The following SIRPG variants were observed in gnomAD, a reference collection of about 807,000 sequenced individuals.
SIRPG encodes the protein signal regulatory protein gamma.
SIRPG carries 38 observed loss-of-function variants against 35.7 expected under a neutral mutation model. The ratio of observed to expected loss-of-function variants is 1.06; its 90% CI spans 0.82 to 1.40. The LOEUF is 1.40. SIRPG is among the 40% of genes most tolerant of loss of function. SIRPG has a pLI of 0.00. For synonymous variants in SIRPG, 215 were observed against 190.4 expected, an observed-to-expected ratio of 1.13 and a Z score of -1.06; for missense variants, 519 against 483.0, an observed-to-expected ratio of 1.07 and a Z score of -0.70.
intron 1 of SIRPG, among the ~76,000 whole-genome samples, chr20:1,654,868 A>G (rs952092077): frequency 4.6e-5 from 7 of 152,224 alleles, no homozygotes; most frequent in African/African-American, 1.7e-4. Flanking sequence ...AATATGGGCC[A>G]AAGATCCGAA....
At chr20:1,683,452 C>T in the SIRPG span, among the ~76,000 whole-genome samples, 1 of 152,190 alleles carries the variant, frequency 6.6e-6, no homozygotes, top group East Asian at 1.9e-4. Context: ...CACCCATATC[C>T]ATTGCAGCAT....
At chr20:1,664,366 A>T in the SIRPG span, among the ~76,000 whole-genome samples, 2 of 152,196 alleles carry the variant, frequency 1.3e-5, no homozygotes, top group Non-Finnish European at 2.9e-5. Context: ...AAGAGGCAAT[A>T]GAGAACCTCA....
upstream of SIRPG, among the ~76,000 whole-genome samples, chr20:1,659,902 G>A (rs775453578): frequency 5.9e-5 from 9 of 152,296 alleles, no homozygotes; most frequent in Admixed American, 1.3e-4. Context: ...CTGGGAAGAC[G>A]GAAGTGCAAG....
chr20:1,668,755 T>C, the SIRPG span, among the ~76,000 whole-genome samples: 3 of 152,192 alleles, frequency 2.0e-5, no homozygotes, highest in Non-Finnish European at 4.4e-5. Flanking sequence ...ACAATATTGA[T>C]CTTGTAGAAA....
chr20:1,648,699 C>T (rs1041539459), intron 2 of SIRPG, among the ~76,000 whole-genome samples: 1 of 151,940 alleles, frequency 6.6e-6, no homozygotes. Flanking sequence ...GAGAGAGAAG[C>T]GCTCTTTGGA....
chr20:1,646,542 T>C (rs1020653568), intron 2 of SIRPG: 4 of 152,266 alleles, frequency 2.6e-5, no homozygotes, highest in African/African-American at 9.6e-5. Context: ...TGCTGAGACC[T>C]GTCTTTTAGA....
chr20:1,650,104 G>A (rs750785816), intron 1 of SIRPG, among the ~76,000 whole-genome samples: 30 of 149,078 alleles, frequency 2.0e-4, no homozygotes, highest in African/African-American at 2.7e-4. Flanking sequence ...AAAGCTATGC[G>A]TCTTTTGCAG....
At chr20:1,674,453 T>A in the SIRPG span, among the ~76,000 whole-genome samples, 1 of 152,096 alleles carries the variant, frequency 6.6e-6, no homozygotes, top group East Asian at 1.9e-4. Context: ...GTCTGTGAGG[T>A]CAGTGTTATC....
In SIRPG at chr20:1,642,202, T is replaced by C. The variant is rs564838574; in HGVS notation, c.431-5697A>G. Among the ~76,000 whole-genome samples, 4 of 152,348 alleles carry C rather than the reference T, an allele frequency of 2.6e-5. No individual in the cohort carries two copies. In the East Asian group the frequency reaches 7.7e-4, roughly 29 times the overall value. Reference sequence around the variant, plus strand: ...ATATTGACAATGGGGTATTAAAGTCTCCCACTATTATTGTGTGGGAGTCTA... The same window carrying C: ...ATATTGACAATGGGGTATTAAAGTCCCCCACTATTATTGTGTGGGAGTCTA... On this transcript the variant is annotated intron_variant, in intron 2 of 5. Coordinates refer to ENST00000303415, the MANE Select transcript of SIRPG (RefSeq NM_018556.4).
At chr20:1,671,528 C>T in the SIRPG span, among the ~76,000 whole-genome samples, 7 of 152,130 alleles carry the variant, frequency 4.6e-5, no homozygotes, top group African/African-American at 1.7e-4. Flanking sequence ...GTGCCGAGAC[C>T]AGCTCGGTCA....
At chr20:1,633,411 A>G (rs907558045) in intron 4 of SIRPG, 2 of 152,216 alleles carry the variant, frequency 1.3e-5, no homozygotes, top group African/African-American at 4.8e-5. Flanking sequence ...AGATGATATA[A>G]GGGAATTGTT....
chr20:1,684,493 T>C, the SIRPG span, among the ~76,000 whole-genome samples: 1 of 152,190 alleles, frequency 6.6e-6, no homozygotes, highest in South Asian at 2.1e-4. Context: ...TTTTGTGCAT[T>C]AAATAAAATT....
At chr20:1,681,832 A>T in the SIRPG span, among the ~76,000 whole-genome samples, 1 of 152,126 alleles carries the variant, frequency 6.6e-6, no homozygotes, top group Non-Finnish European at 1.5e-5. Flanking sequence ...TGAGACCTTG[A>T]CTCAAAAAAA....
chr20:1,649,283 A>G lies in SIRPG; in HGVS notation c.199T>C (p.Phe67Leu), dbSNP rs1278147153. ...SLLPVGPVLW[F>L]RGVGPGRELI... Reference sequence around the variant, plus strand: ...TCCCGGCCTGGTCCAACTCCTCTGAACCACAGGACGGGTCCCACGGGAAGC... The same window carrying G: ...TCCCGGCCTGGTCCAACTCCTCTGAGCCACAGGACGGGTCCCACGGGAAGC... Residue 67 changes from phenylalanine to leucine, a missense_variant, in exon 2 of 6, where the codon TTC becomes CTC. Physicochemically the swap from Phe to Leu is conservative, Grantham distance 22. Transcript: ENST00000303415. The G allele has an allele frequency of 6.2e-7, 1 of 1,613,956 alleles. No individual in the cohort carries two copies. Among genetic ancestry groups the G allele is most frequent in the Non-Finnish European group, 8.5e-7 (1 of 1,180,026 alleles).
In SIRPG at chr20:1,636,266, C is replaced by T. The variant is rs2091800152; in HGVS notation, c.670G>A (p.Val224Ile). 14 of 1,614,216 alleles carry T rather than the reference C, an allele frequency of 8.7e-6. No homozygotes were observed. The highest frequency in any genetic ancestry group is 1.2e-5 in the Non-Finnish European group (14 of 1,180,036). The change falls in exon 3 of 6, where the codon GTC becomes ATC. Residue 224 changes from valine (V) to isoleucine (I), a missense_variant. Physicochemically the swap from Val to Ile is conservative, Grantham distance 29. Coordinates refer to ENST00000303415, the MANE Select transcript of SIRPG (RefSeq NM_018556.4). ...GTGACATGGGCCACCTCGCAGATGA[C>T]CTGAGAGCGAACGTCCCAGGGGTCC... is the stretch of plus-strand genomic sequence containing the variant. ...VLDPWDVRSQVICEVAHVTLQ... is the reference protein window; with the variant it reads ...VLDPWDVRSQIICEVAHVTLQ...
intron 2 of SIRPG, chr20:1,648,365 C>G (rs1174467926): frequency 6.6e-6 from 1 of 152,250 alleles, no homozygotes. Flanking sequence ...TTATTGGCAT[C>G]TCCTCCCACC....
upstream of SIRPG, among the ~76,000 whole-genome samples, chr20:1,661,490 C>T (rs1347413961): frequency 6.6e-6 from 1 of 152,206 alleles, no homozygotes. Context: ...TAGAAATACA[C>T]TCATGTAGAG....
intron 1 of SIRPG, among the ~76,000 whole-genome samples, chr20:1,652,020 T>C (rs537339282): frequency 3.9e-5 from 6 of 152,352 alleles, no homozygotes; most frequent in African/African-American, 1.4e-4. Flanking sequence ...GGCACTCCTT[T>C]TAGTGCTTTC....
chr20:1,668,243 CTTTCTT>C, the SIRPG span, among the ~76,000 whole-genome samples: 1,099 of 50,238 alleles, frequency 0.022, 10 homozygotes, highest in Middle Eastern at 0.035. Flanking sequence ...TTCTTTCTTT[CTTTCTT>C]TTTCTTTTTC....
Sources: allele counts gnomAD v4.1 joint callset (sites outside exome capture counted in the v4.1 genomes callset), GRCh38; gene constraint gnomAD v4.1.1; transcripts MANE v1.5; gene names NCBI Gene and HGNC (gene_info 2026-07-23, HGNC 2026-07-21).